Variants in DSCAM observed in about 807,000 individuals in gnomAD.
DSCAM encodes DS cell adhesion molecule.
Under a neutral mutation model 217.7 loss-of-function variants are expected in DSCAM, and 47 were observed. That is an observed-to-expected ratio of 0.22 (90% CI 0.17 to 0.28). DSCAM has a LOEUF of 0.28. Among genes scored for constraint, DSCAM ranks in the 10% least tolerant of loss-of-function variants. The probability of loss-of-function intolerance (pLI) is 1.00; values close to 1 mark genes in which losing one functional copy is unlikely to be tolerated. For missense variants in DSCAM, 2,080 were observed against 2,618.3 expected, an observed-to-expected ratio of 0.79 and a Z score of 4.49; for synonymous variants, 1,056 against 1,015.3, an observed-to-expected ratio of 1.04 and a Z score of -0.76.
intron 9 of DSCAM, among the ~76,000 whole-genome samples, chr21:40,310,044 T>G (rs1401800584): frequency 6.6e-6 from 1 of 152,186 alleles, no homozygotes; most frequent in Non-Finnish European, 1.5e-5. Flanking sequence ...CATATTAGAA[T>G]AAACCTGTGG....
rs530023264 is a variant in DSCAM, at chr21:40,461,663, T to G, written c.509-92418A>C. Among the ~76,000 whole-genome samples the G allele has an allele frequency of 2.0e-5, 3 of 152,320 alleles. No homozygotes were observed. In the East Asian group the frequency reaches 5.8e-4, roughly 29 times the overall value. On this transcript the variant is annotated intron_variant, in intron 3 of 32. Coordinates refer to ENST00000400454, the MANE Select transcript of DSCAM (RefSeq NM_001389.5). ...GTTTCATGGCAAAGGGGAGTTAAGG[T>G]TGCTCCTCAGCTGACTTTAATGTAG...
intron 3 of DSCAM, among the ~76,000 whole-genome samples, chr21:40,657,796 G>C (rs944022413): frequency 1.3e-5 from 2 of 152,130 alleles, no homozygotes; most frequent in Non-Finnish European, 2.9e-5. Flanking sequence ...GTTGGATACC[G>C]ATGAATAACT....
intron 1 of DSCAM, among the ~76,000 whole-genome samples, chr21:40,837,527 T>C (rs2092066810): frequency 1.3e-5 from 2 of 152,214 alleles, no homozygotes; most frequent in African/African-American, 2.4e-5. Context: ...TTGATTTGGG[T>C]GAGTCATAAC....
chr21:40,179,145 T>C, intron 14 of DSCAM, 51 bp from the exon 15 acceptor site: 1 of 1,356,472 alleles, frequency 7.4e-7, no homozygotes, highest in African/African-American at 1.6e-5. Flanking sequence ...TGAGTTTTTT[T>C]CCTCTGCCTT....
In DSCAM at chr21:40,531,072, G is replaced by A. The variant is rs541955246; in HGVS notation, c.508+161738C>T. 6.6e-5 allele frequency among the ~76,000 whole-genome samples: 10 copies of A among 152,264 alleles called. No individual in the cohort carries two copies. The South Asian group carries it at 2.1e-3, about 32-fold the overall frequency. On this transcript the variant is annotated intron_variant, in intron 3 of 32. Transcript: ENST00000400454. ...TCCCACGACTATTTTCCACACCTCA[G>A]GCAGAATAAGAGTTTACACTGAAAA...
chr21:40,413,370 C>T (rs1461644673), intron 3 of DSCAM, among the ~76,000 whole-genome samples: 2 of 152,200 alleles, frequency 1.3e-5, no homozygotes, highest in African/African-American at 4.8e-5. Flanking sequence ...GGAGGCTATA[C>T]CCTGCAAAGC....
intron 1 of DSCAM, among the ~76,000 whole-genome samples, chr21:40,743,376 T>C (rs971541404): frequency 1.3e-5 from 2 of 152,206 alleles, no homozygotes; most frequent in Non-Finnish European, 2.9e-5. Context: ...TGAGTTGTCA[T>C]TTCTCACAAT....
intron 1 of DSCAM, among the ~76,000 whole-genome samples, chr21:40,798,948 A>G (rs1348410316): frequency 1.3e-5 from 2 of 152,142 alleles, no homozygotes; most frequent in Non-Finnish European, 2.9e-5. Context: ...TCCATTCCCA[A>G]TGCTATAAAA....
intron 1 of DSCAM, among the ~76,000 whole-genome samples, chr21:40,799,404 A>T (rs1011283188): frequency 3.9e-5 from 6 of 152,176 alleles, no homozygotes; most frequent in African/African-American, 1.4e-4. Flanking sequence ...GAGAAAAAAA[A>T]CTCAAAGTAA....
rs572596059 is a variant in DSCAM, at chr21:40,751,871, T to C, written c.44-43100A>G. ...TAAAAAATCATTGAAGCAAGCAGAG[T>C]GCATCACCTCCTTGTAATCCAATAT... On this transcript the variant is annotated intron_variant, in intron 1 of 32. Transcript: ENST00000400454. Among the ~76,000 whole-genome samples, 53 of 152,094 alleles carry C rather than the reference T, an allele frequency of 3.5e-4. No homozygotes were observed. In the South Asian group the frequency reaches 0.011, roughly 31 times the overall value.
intron 1 of DSCAM, among the ~76,000 whole-genome samples, chr21:40,795,662 G>A (rs1017146112): frequency 6.6e-6 from 1 of 152,172 alleles, no homozygotes; most frequent in African/African-American, 2.4e-5. Context: ...CCCAAGAACA[G>A]GCCATAAAAC....
chr21:40,341,676 A>C (rs1054792092), intron 6 of DSCAM, among the ~76,000 whole-genome samples: 1 of 152,224 alleles, frequency 6.6e-6, no homozygotes, highest in Admixed American at 6.5e-5. Context: ...TAGAAGAAAC[A>C]TAATAATAGA....
intron 3 of DSCAM, among the ~76,000 whole-genome samples, chr21:40,524,837 T>C (rs1258730737): frequency 2.0e-5 from 3 of 151,658 alleles, no homozygotes; most frequent in African/African-American, 2.4e-5. Context: ...GGTGAAACCC[T>C]GTCTCTACTA....
At chr21:40,226,259 T>A (rs148213531) in intron 11 of DSCAM, among the ~76,000 whole-genome samples, 36 of 152,256 alleles carry the variant, frequency 2.4e-4, no homozygotes, top group African/African-American at 7.7e-4. Flanking sequence ...GCACAGAAAG[T>A]TTGGTGACAA....
At chr21:40,558,751 T>C (rs536639794) in intron 3 of DSCAM, among the ~76,000 whole-genome samples, 3 of 152,328 alleles carry the variant, frequency 2.0e-5, no homozygotes, top group Non-Finnish European at 4.4e-5. Flanking sequence ...TCCTTCAATG[T>C]TATTTTTACC....
At chr21:40,265,548 G>A (rs1370684445) in intron 11 of DSCAM, among the ~76,000 whole-genome samples, 2 of 151,284 alleles carry the variant, frequency 1.3e-5, no homozygotes, top group Non-Finnish European at 2.9e-5. Flanking sequence ...GAAATCCGAA[G>A]CAAAAAGATT....
At chr21:40,317,497 GATAA>G (rs896413738) in intron 8 of DSCAM, among the ~76,000 whole-genome samples, 2 of 152,000 alleles carry the variant, frequency 1.3e-5, no homozygotes, top group African/African-American at 2.4e-5. Flanking sequence ...CAACTAGTGG[GATAA>G]ATAGTGTCCT....
chr21:40,395,154 C>T (rs1341495152), intron 3 of DSCAM, among the ~76,000 whole-genome samples: 1 of 152,160 alleles, frequency 6.6e-6, no homozygotes, highest in Non-Finnish European at 1.5e-5. Context: ...TCCTCCCTTT[C>T]CTCTCTTGGC....
At position 40,078,736 on chromosome 21, in the gene DSCAM, C is replaced by T. The variant is rs188171376; in HGVS notation, c.4662G>A (p.Ala1554=). The T allele has an allele frequency of 7.3e-4, 1,176 of 1,614,232 alleles. 8 individuals are homozygous for T. The African/African-American group carries it at 9.9e-3, about 14-fold the overall frequency. ...YELQMRVCNS[A]GCAEKQANFA... is the part of the protein sequence containing the mutation. ...AGTTGGCCTGCTTCTCCGCGCAGCC[C>T]GCACTGTTGCACACCCGCATCTGCA... The change falls in exon 26 of 33, where the codon GCG becomes GCA. Residue 1554 remains alanine, a synonymous_variant. Coordinates refer to ENST00000400454, the MANE Select transcript of DSCAM (RefSeq NM_001389.5).
Sources: gnomAD v4.1 joint callset for allele counts (sites outside exome capture counted in the v4.1 genomes callset) on GRCh38, gnomAD v4.1.1 for gene constraint, MANE v1.5 for transcripts, NCBI Gene and HGNC (gene_info 2026-07-23, HGNC 2026-07-21) for gene names.